SPIDR: variants seen among roughly 807,000 people sequenced by gnomAD.
SPIDR encodes the protein scaffold protein involved in DNA repair, also known as DNA repair-scaffolding protein.
A neutral mutation model predicts 104.6 loss-of-function variants in SPIDR; 93 were observed. The ratio of observed to expected loss-of-function variants is 0.89; its 90% CI spans 0.75 to 1.06. The LOEUF is 1.06. Ranked by LOEUF, SPIDR falls within the 50% of genes least tolerant of loss-of-function variation. SPIDR has a pLI of 0.00. For missense variants in SPIDR, 1,154 were observed against 1,111.2 expected (o/e 1.04, Z -0.55); for synonymous variants, 431 against 416.9 (o/e 1.03, Z -0.41).
chr8:47,537,358 T>C (rs780325545), intron 8 of SPIDR, among the ~76,000 whole-genome samples: 1 of 152,140 alleles, frequency 6.6e-6, no homozygotes, highest in African/African-American at 2.4e-5. Context: ...TGCATATTCA[T>C]CCACACAATA....
intron 10 of SPIDR, among the ~76,000 whole-genome samples, chr8:47,670,849 G>A (rs1281053342): frequency 6.6e-6 from 1 of 152,050 alleles, no homozygotes; most frequent in East Asian, 1.9e-4. Flanking sequence ...ATTAGTCCTT[G>A]TATCTCAGGC....
chr8:47,669,766 C>G (rs2075544038), intron 10 of SPIDR, among the ~76,000 whole-genome samples: 2 of 152,166 alleles, frequency 1.3e-5, no homozygotes, highest in African/African-American at 4.8e-5. Context: ...CTTTGGGAGG[C>G]CAAGGCGGGT....
At chr8:47,531,349 G>T (rs1427609343) in intron 8 of SPIDR, among the ~76,000 whole-genome samples, 3 of 152,170 alleles carry the variant, frequency 2.0e-5, no homozygotes, top group Non-Finnish European at 4.4e-5. Context: ...GAATGGAGCT[G>T]TCATTTCCCA....
chr8:47,671,019 C>T (rs2075716431), intron 10 of SPIDR, among the ~76,000 whole-genome samples: 1 of 152,102 alleles, frequency 6.6e-6, no homozygotes, highest in Non-Finnish European at 1.5e-5. Flanking sequence ...AAGGGATCCT[C>T]CCACCTCAGC....
intron 5 of SPIDR, among the ~76,000 whole-genome samples, chr8:47,303,471 C>G (rs1554579492): frequency 6.6e-6 from 1 of 152,286 alleles, no homozygotes; most frequent in Non-Finnish European, 1.5e-5. Flanking sequence ...CTGTCCAACA[C>G]TCCCCAGTGA....
At chr8:47,578,748 T>TAA (rs2059404011) in intron 8 of SPIDR, among the ~76,000 whole-genome samples, 1 of 152,192 alleles carries the variant, frequency 6.6e-6, no homozygotes, top group Admixed American at 6.5e-5. Flanking sequence ...TCATATAAAA[T>TAA]ATGGTCTGTT....
At chr8:47,447,733 C>G (rs1478375600) in intron 8 of SPIDR, among the ~76,000 whole-genome samples, 1 of 152,146 alleles carries the variant, frequency 6.6e-6, no homozygotes, top group Non-Finnish European at 1.5e-5. Context: ...TCAGTTGATG[C>G]AGCAAACTTT....
intron 5 of SPIDR, among the ~76,000 whole-genome samples, chr8:47,352,106 G>A (rs1255318935): frequency 1.3e-5 from 2 of 151,790 alleles, no homozygotes; most frequent in Non-Finnish European, 2.9e-5. Context: ...ATGAAACCCC[G>A]TCTCTACTAA....
chr8:47,498,388 C>T (rs748447973), intron 8 of SPIDR, among the ~76,000 whole-genome samples: 1 of 152,170 alleles, frequency 6.6e-6, no homozygotes, highest in Non-Finnish European at 1.5e-5. Context: ...TGATCTAACA[C>T]ACTGTAATAA....
intron 10 of SPIDR, among the ~76,000 whole-genome samples, chr8:47,618,131 C>T (rs887941519): frequency 1.3e-5 from 2 of 152,018 alleles, no homozygotes; most frequent in South Asian, 2.1e-4. Flanking sequence ...CTTTTGTGTA[C>T]GTGGTTTGTG....
chr8:47,612,248 A>G (rs1438723854), intron 10 of SPIDR, among the ~76,000 whole-genome samples: 4 of 152,224 alleles, frequency 2.6e-5, no homozygotes, highest in Admixed American at 6.5e-5. Context: ...CTTTGCACAC[A>G]GGTAAGTTAA....
chr8:47,501,248 CA>C (rs2080378657), intron 8 of SPIDR, among the ~76,000 whole-genome samples: 1 of 152,318 alleles, frequency 6.6e-6, no homozygotes, highest in Non-Finnish European at 1.5e-5. Context: ...TGGCCATTTT[CA>C]CAATATTGAT....
chr8:47,441,777 A>T (rs1010329963), intron 8 of SPIDR, among the ~76,000 whole-genome samples: 9 of 152,114 alleles, frequency 5.9e-5, no homozygotes, highest in Non-Finnish European at 1.0e-4. Context: ...CGATTTAAAA[A>T]TTTTTACATT....
intron 11 of SPIDR, among the ~76,000 whole-genome samples, chr8:47,679,949 C>T (rs1239913208): frequency 6.6e-6 from 1 of 152,202 alleles, no homozygotes; most frequent in African/African-American, 2.4e-5. Context: ...AATCTTAGAA[C>T]TTTTGTCAGC....
Position 47,291,135 on chromosome 8 carries a change from G to A in SPIDR, c.359G>A (p.Arg120Lys). The A allele has an allele frequency of 6.2e-7, 1 of 1,606,462 alleles. No homozygotes were observed. Among genetic ancestry groups the A allele is most frequent in the African/African-American group, 1.3e-5 (1 of 74,918 alleles). The change falls in exon 4 of 20, where the codon AGA (arginine) becomes AAA (lysine). Residue 120 changes from arginine to lysine, a missense_variant and splice_region_variant. Coordinates refer to ENST00000297423, the MANE Select transcript of SPIDR (RefSeq NM_001080394.4). ...GATAAGACACTTTCTCAGTTACAGA[G>A]AGGTAATGGACATTGCTCTAGAATA... Reference protein sequence around the residue: ...DEDKTLSQLQRDELQFIDWEI... With the variant: ...DEDKTLSQLQKDELQFIDWEI...
chr8:47,562,183 T>G (rs1389780521), intron 8 of SPIDR, among the ~76,000 whole-genome samples: 1 of 152,262 alleles, frequency 6.6e-6, no homozygotes, highest in Non-Finnish European at 1.5e-5. Context: ...CATTTGGCAT[T>G]ATATAATGTA....
chr8:47,370,439 ATTTT>A (rs34220804), intron 5 of SPIDR, among the ~76,000 whole-genome samples: 2 of 99,078 alleles, frequency 2.0e-5, no homozygotes, highest in Admixed American at 1.2e-4. Flanking sequence ...AGAGGTCAAG[ATTTT>A]TTTTTTTTTT....
chr8:47,293,068 GT>G lies in SPIDR; in HGVS notation c.362-797del, dbSNP rs1179138688. Among the ~76,000 whole-genome samples the G allele has an allele frequency of 3.3e-5, 5 of 152,044 alleles. No homozygotes were observed. The East Asian group carries it at 9.7e-4, about 30-fold the overall frequency. On this transcript the variant is annotated intron_variant, in intron 4 of 19. Coordinates refer to ENST00000297423, the MANE Select transcript of SPIDR (RefSeq NM_001080394.4). Reference sequence around the variant, plus strand: ...AAATTTGATGTTAATGTGGGAAGCCGTTGCCATTATGCATCTGCTTCTCTCA... The same window carrying G: ...AAATTTGATGTTAATGTGGGAAGCCGTGCCATTATGCATCTGCTTCTCTCA...
In SPIDR at chr8:47,735,751, T is replaced by A. The variant is rs531910373; in HGVS notation, c.*301T>A. On this transcript the variant is annotated 3_prime_UTR_variant, in exon 20 of 20. Transcript: ENST00000297423. Reference sequence around the variant, plus strand: ...ATTTAGGCAATATATGAGAAAAAAATTTTTTTTGTTCATTTGTAATTTTAA... The same window carrying A: ...ATTTAGGCAATATATGAGAAAAAAAATTTTTTTGTTCATTTGTAATTTTAA... 78 of 566,066 alleles carry A rather than the reference T, an allele frequency of 1.4e-4. No individual in the cohort carries two copies. Among genetic ancestry groups the A allele is most frequent in the Admixed American group, 3.0e-4 (8 of 26,858 alleles). The allele number at this position is 566,066 out of a possible 1,614,324, so 35.1% of individuals were successfully genotyped here.
Sources: allele counts gnomAD v4.1 joint callset (sites outside exome capture counted in the v4.1 genomes callset), GRCh38; gene constraint gnomAD v4.1.1; transcripts MANE v1.5; gene names NCBI Gene and HGNC (gene_info 2026-07-23, HGNC 2026-07-21).